Variants in PCDHGB5 observed in about 807,000 individuals in gnomAD.
The protein encoded by PCDHGB5 is protocadherin gamma-B5.
A neutral mutation model predicts 62.9 loss-of-function variants in PCDHGB5; 48 were observed. The observed-to-expected ratio is 0.76, with a 90% CI of 0.61 to 0.97. PCDHGB5 has a LOEUF of 0.97. PCDHGB5 is among the 50% of genes least tolerant of loss of function. The pLI, the probability that PCDHGB5 is intolerant of heterozygous loss-of-function variation, is 0.00. For synonymous variants in PCDHGB5, 474 were observed against 511.2 expected (o/e 0.93, Z 0.98); for missense variants, 1,118 against 1,198.6 (o/e 0.93, Z 0.99).
At chr5:141,419,475 C>G (rs775720158) in intron 1 of PCDHGB5, 2 of 1,612,266 alleles carry the variant, frequency 1.2e-6, no homozygotes, top group Admixed American at 1.7e-5. Context: ...GACCAGGGCT[C>G]GCCCGCGCTC....
chr5:141,402,369 A>C (rs1281295306), intron 1 of PCDHGB5, among the ~76,000 whole-genome samples: 1 of 152,066 alleles, frequency 6.6e-6, no homozygotes, highest in Non-Finnish European at 1.5e-5. Context: ...ACTTCCAAAC[A>C]AGATTGCACA....
At chr5:141,451,352 A>G (rs2098714151) in intron 1 of PCDHGB5, among the ~76,000 whole-genome samples, 1 of 152,232 alleles carries the variant, frequency 6.6e-6, no homozygotes, top group Non-Finnish European at 1.5e-5. Flanking sequence ...AAGGGTCAAC[A>G]GAGGATGGAT....
chr5:141,452,459 C>T (rs545368648), intron 1 of PCDHGB5, among the ~76,000 whole-genome samples: 38 of 152,246 alleles, frequency 2.5e-4, no homozygotes, highest in Middle Eastern at 6.8e-3. Context: ...TGTCAGCAGA[C>T]GGAGCTAGGA....
Position 141,400,161 on chromosome 5 carries a change from T to A in PCDHGB5, c.2034T>A (p.Ser678=), listed in dbSNP as rs1271912348. 1 of 1,614,084 alleles carries A rather than the reference T, an allele frequency of 6.2e-7. No homozygotes were observed. The highest frequency in any genetic ancestry group is 1.1e-5 in the South Asian group (1 of 91,092). Residue 678 remains serine (S), a synonymous_variant, in exon 1 of 4, where the codon TCT becomes TCA. Coordinates refer to ENST00000617380, the MANE Select transcript of PCDHGB5 (RefSeq NM_018925.3). ...LPDITDRPVP[S]DPQAELQFYL... is the part of the protein sequence containing the mutation. ...ATATCACTGACCGCCCTGTACCCTC[T>A]GACCCCCAGGCTGAGCTGCAGTTTT...
chr5:141,420,118 T>C (rs2096468123), intron 1 of PCDHGB5: 2 of 1,613,844 alleles, frequency 1.2e-6, no homozygotes, highest in Admixed American at 1.7e-5. Flanking sequence ...ATGCCTATAA[T>C]TTTTGTGTGC....
chr5:141,447,954 C>T (rs927510517), intron 1 of PCDHGB5, among the ~76,000 whole-genome samples: 11 of 151,814 alleles, frequency 7.2e-5, no homozygotes, highest in Non-Finnish European at 1.2e-4. Flanking sequence ...GGCATGGTGG[C>T]GGACACCTAT....
At chr5:141,450,729 C>T (rs370122389) in intron 1 of PCDHGB5, among the ~76,000 whole-genome samples, 3 of 152,048 alleles carry the variant, frequency 2.0e-5, no homozygotes, top group Non-Finnish European at 2.9e-5. Context: ...TCAGGTGATC[C>T]GCCCGCCTTG....
rs776348214 is a variant in PCDHGB5 at position 141,487,781 on chromosome 5, G to A, written c.2398-7026G>A. 108 of 1,526,850 alleles carry A rather than the reference G, an allele frequency of 7.1e-5. No individual in the cohort carries two copies. Among genetic ancestry groups the A allele is most frequent in the East Asian group, 3.7e-4 (15 of 40,622 alleles). 94.6% of individuals were successfully genotyped at this position (1,526,850 alleles called of 1,614,324 possible). On this transcript the variant is annotated intron_variant, in intron 1 of 3. Coordinates refer to ENST00000617380, the MANE Select transcript of PCDHGB5 (RefSeq NM_018925.3). This position sits in a 1 kb window ranked among gnomAD's most constrained non-coding sequence, Gnocchi z 5.0. ...AGACGCTGTGCTTTGTAACTGTTTC[G>A]TGAATTAACCAGAGTTGTCACAGTT... is the stretch of plus-strand genomic sequence containing the variant.
In PCDHGB5 at chr5:141,511,033, C is replaced by T. The variant is rs1185153127; in HGVS notation, c.2632C>T (p.His878Tyr). 6.2e-7 allele frequency: 1 copy of T among 1,614,202 alleles called. No individual in the cohort carries two copies. The highest frequency in any genetic ancestry group is 1.7e-5 in the Admixed American group (1 of 60,032). ...CTACGGACCCCAGTTCACCCTGCAG[C>T]ACGTGCCCGACTACCGCCAGAATGT... ...ARYGPQFTLQ[H>Y]VPDYRQNVYI... Residue 878 changes from histidine to tyrosine, a missense_variant, in exon 4 of 4, where the codon CAC becomes TAC. His to Tyr is a moderately conservative substitution (Grantham distance 83). Coordinates refer to ENST00000617380, the MANE Select transcript of PCDHGB5 (RefSeq NM_018925.3).
rs980172909 is a variant in PCDHGB5, at chr5:141,485,917, G to A, written c.2398-8890G>A. On this transcript the variant is annotated intron_variant, in intron 1 of 3. Transcript: ENST00000617380. The surrounding 1 kb of genome is among the most constrained non-coding windows in gnomAD (Gnocchi z 5.7). ...CAGCCTTCCAGCAATCCAGCTACAGGATTAGTGTGTTGGAGAGCGCACCAG... is the reference window on the plus strand; with the variant it reads ...CAGCCTTCCAGCAATCCAGCTACAGAATTAGTGTGTTGGAGAGCGCACCAG... The A allele has an allele frequency of 2.6e-5, 42 of 1,614,078 alleles. No homozygotes were observed. Among genetic ancestry groups the A allele is most frequent in the Non-Finnish European group, 3.5e-5 (41 of 1,180,050 alleles).
At position 141,487,147 on chromosome 5, in the gene PCDHGB5, T is replaced by C; in HGVS notation, c.2398-7660T>C. 1 of 1,614,122 alleles carries C rather than the reference T, an allele frequency of 6.2e-7. No individual in the cohort carries two copies. Among genetic ancestry groups the C allele is most frequent in the Non-Finnish European group, 8.5e-7 (1 of 1,179,952 alleles). On this transcript the variant is annotated intron_variant, in intron 1 of 3. Transcript: ENST00000617380. This position sits in a 1 kb window ranked among gnomAD's most constrained non-coding sequence, Gnocchi z 5.0. ...GTGGTAGTCCACCACTCTCTACCTC[T>C]GTTACTCTCTTAGTGTCCTTAGAGG...
chr5:141,421,834 C>A, intron 1 of PCDHGB5: 2 of 1,613,748 alleles, frequency 1.2e-6, no homozygotes. Flanking sequence ...AAGCCTGGAC[C>A]GAGAGAAAGA....
chr5:141,510,251 C>T (rs569804850), intron 3 of PCDHGB5, among the ~76,000 whole-genome samples: 5 of 144,790 alleles, frequency 3.5e-5, no homozygotes, highest in South Asian at 4.3e-4. Flanking sequence ...CCAGGCTGGG[C>T]GACAGAGCAG....
intron 1 of PCDHGB5, among the ~76,000 whole-genome samples, chr5:141,443,905 A>G (rs963772369): frequency 6.6e-6 from 1 of 152,204 alleles, no homozygotes; most frequent in Admixed American, 6.5e-5. Context: ...TAGTAGGAAA[A>G]TTCATAAAAG....
In PCDHGB5 at chr5:141,431,184, T is replaced by G. The variant is rs754537015; in HGVS notation, c.2397+30660T>G. The G allele has an allele frequency of 5.6e-6, 9 of 1,614,090 alleles. No homozygotes were observed. Among genetic ancestry groups the G allele is most frequent in the Non-Finnish European group, 6.8e-6 (8 of 1,180,050 alleles). ...CGTGAAAGTGAATTAGAAATAAAAA[T>G]TAGTGAAAATGCAGCCACTGAGATG... On this transcript the variant is annotated intron_variant, in intron 1 of 3. Transcript: ENST00000617380. The surrounding 1 kb of genome is among the most constrained non-coding windows in gnomAD (Gnocchi z 4.8).
chr5:141,471,926 G>A (rs2099266798), intron 1 of PCDHGB5, among the ~76,000 whole-genome samples: 2 of 152,110 alleles, frequency 1.3e-5, no homozygotes. Flanking sequence ...AATTTTGGGG[G>A]TGATGAGAGT....
At chr5:141,427,946 T>A (rs769401863) in intron 1 of PCDHGB5, 1 of 1,586,550 alleles carries the variant, frequency 6.3e-7, no homozygotes, top group Middle Eastern at 1.7e-4. Flanking sequence ...GCGACCTCAA[T>A]GACAATGTGC....
intron 1 of PCDHGB5, among the ~76,000 whole-genome samples, chr5:141,452,585 G>A (rs1310395736): frequency 6.6e-6 from 1 of 151,984 alleles, no homozygotes; most frequent in Non-Finnish European, 1.5e-5. Context: ...TTCCATCTTT[G>A]TATTTTTATT....
intron 1 of PCDHGB5, among the ~76,000 whole-genome samples, chr5:141,462,125 A>AT (rs1561991410): frequency 6.6e-6 from 1 of 151,688 alleles, no homozygotes; most frequent in African/African-American, 2.4e-5. Context: ...ACCCAGTCCA[A>AT]TTTTTTGTAT....
Sources: allele counts gnomAD v4.1 joint callset (sites outside exome capture counted in the v4.1 genomes callset), GRCh38; gene constraint gnomAD v4.1.1; non-coding constraint Gnocchi (gnomAD v3.1); transcripts MANE v1.5; gene names NCBI Gene and HGNC (gene_info 2026-07-23, HGNC 2026-07-21).